VWDE: variants seen among roughly 807,000 people sequenced by gnomAD.
The protein encoded by VWDE is von Willebrand factor D and EGF domains.
A neutral mutation model predicts 178.4 loss-of-function variants in VWDE; 207 were observed. The observed-to-expected ratio is 1.16, with a 90% confidence interval of 1.04 to 1.30. The LOEUF (loss-of-function observed/expected upper bound fraction) is 1.30, where lower values mean the gene tolerates loss of function less well. Ranked by LOEUF, VWDE falls within the 50% of genes most tolerant of loss-of-function variation. The pLI is 0.00. For missense variants in VWDE, 2,287 were observed against 1,901.3 expected, an observed-to-expected ratio of 1.20 and a Z score of -3.77; for synonymous variants, 738 against 651.4, an observed-to-expected ratio of 1.13 and a Z score of -2.02.
intron 24 of VWDE, among the ~76,000 whole-genome samples, chr7:12,338,601 A>T (rs1583272604): frequency 6.6e-6 from 1 of 152,122 alleles, no homozygotes; most frequent in South Asian, 2.1e-4. Context: ...AGGGCATACA[A>T]TTTAAGGGTG....
At chr7:12,368,539 G>A (rs910124571) in intron 12 of VWDE, among the ~76,000 whole-genome samples, 5 of 152,096 alleles carry the variant, frequency 3.3e-5, no homozygotes, top group African/African-American at 1.2e-4. Flanking sequence ...CTGCCAGTGT[G>A]GCTGAAAAGC....
chr7:12,380,137 G>C (rs1025786), intron 5 of VWDE, among the ~76,000 whole-genome samples: 1 of 150,922 alleles, frequency 6.6e-6, no homozygotes, highest in Non-Finnish European at 1.5e-5. Context: ...AAGTGACATC[G>C]TCATTTAAAA....
chr7:12,341,468 C>T (rs1222005850), intron 23 of VWDE, among the ~76,000 whole-genome samples: 2 of 151,928 alleles, frequency 1.3e-5, no homozygotes, highest in East Asian at 1.9e-4. Flanking sequence ...CCCGTCTCTA[C>T]TAAAAATACA....
chr7:12,361,385 G>A lies in VWDE; in HGVS notation c.3035C>T (p.Thr1012Ile). 1 of 1,549,288 alleles carries A rather than the reference G, an allele frequency of 6.5e-7. No individual in the cohort carries two copies. Among genetic ancestry groups the A allele is most frequent in the Non-Finnish European group, 8.7e-7 (1 of 1,146,186 alleles). Residue 1012 changes from threonine to isoleucine, a missense_variant, in exon 14 of 29, where the codon ACT becomes ATT. By Grantham distance (89) the Thr-to-Ile change is moderately conservative. Transcript: ENST00000275358. ...TTTTACCTTCAACTGCCACTTCCCA[G>A]TTGGTTTCCCACCCACCAGATCCAT... ...DTMDLVGGKPTGKWQLKVSND... is the reference protein window; with the variant it reads ...DTMDLVGGKPIGKWQLKVSND...
intron 1 of VWDE, among the ~76,000 whole-genome samples, chr7:12,398,905 G>T (rs1784752106): frequency 6.6e-6 from 1 of 151,992 alleles, no homozygotes; most frequent in Admixed American, 6.6e-5. Flanking sequence ...GGGGAAGGAA[G>T]GAAGAGGGTA....
intron 24 of VWDE, among the ~76,000 whole-genome samples, chr7:12,340,056 T>C (rs1781243326): frequency 6.6e-6 from 1 of 152,188 alleles, no homozygotes; most frequent in Non-Finnish European, 1.5e-5. Context: ...ACTTTGCTTA[T>C]CTGTTTCATA....
chr7:12,340,347 T>A lies in VWDE; in HGVS notation c.4341A>T (p.Gly1447=). 1 of 1,551,178 alleles carries A rather than the reference T, an allele frequency of 6.4e-7. No individual in the cohort carries two copies. Among genetic ancestry groups the A allele is most frequent in the Non-Finnish European group, 8.7e-7 (1 of 1,146,706 alleles). Residue 1447 remains glycine (G), a synonymous_variant, in exon 24 of 29, where the codon GGA becomes GGT. Coordinates refer to ENST00000275358, the MANE Select transcript of VWDE (RefSeq NM_001135924.3). ...NKPNTCLCPN[G]FFGEHCQNAF... ...CATTCTGACAGTGTTCCCCAAAGAA[T>A]CCATTTGGACAGAGGCAAGTATTTG... is the stretch of plus-strand genomic sequence containing the variant.
At chr7:12,384,612 T>C (rs1001911734) in intron 3 of VWDE, among the ~76,000 whole-genome samples, 16 of 152,216 alleles carry the variant, frequency 1.1e-4, no homozygotes, top group African/African-American at 3.1e-4. Context: ...TTACAGAGTA[T>C]ATGTGAAATC....
At position 12,383,581 on chromosome 7, in the gene VWDE, GT is replaced by G; in HGVS notation, c.495del (p.Leu165PhefsTer37). On this transcript the variant is annotated frameshift_variant, in exon 4 of 29. Transcript: ENST00000275358. LOFTEE classifies it high-confidence loss of function. ...TCAGTTTCATCAGAACCACATGGGT[GT>G]AATCGTGCATCAGAAATAGCTGCCA... Reference protein sequence around the residue: ...YCAEAISDARLHPCGSDETET... With the variant: ...YCAEAISDARXHPCGSDETET... The G allele has an allele frequency of 1.3e-6, 2 of 1,550,526 alleles. No homozygotes were observed. Among genetic ancestry groups the G allele is most frequent in the Non-Finnish European group, 1.7e-6 (2 of 1,145,990 alleles).
intron 18 of VWDE, among the ~76,000 whole-genome samples, chr7:12,355,840 C>T (rs1782213959): frequency 6.6e-6 from 1 of 152,022 alleles, no homozygotes; most frequent in Admixed American, 6.6e-5. Flanking sequence ...CTTCTCCCTA[C>T]CAAATACAGG....
Position 12,369,762 on chromosome 7 carries a change from A to G in VWDE, c.2544T>C (p.Leu848=), listed in dbSNP as rs746880718. ...GGGCCACACCTGCTTCTGCCCAACT[A>G]AGATCATCTTTTAACAGAACATCCT... ...CVKDVLLKDD[L]SWAEAGVALL... Residue 848 remains leucine (L), a synonymous_variant, in exon 12 of 29, where the codon CTT becomes CTC. Coordinates refer to ENST00000275358, the MANE Select transcript of VWDE (RefSeq NM_001135924.3). The G allele has an allele frequency of 3.9e-6, 6 of 1,551,414 alleles. No individual in the cohort carries two copies. The highest frequency in any genetic ancestry group is 2.4e-5 in the East Asian group (1 of 40,916).
intron 10 of VWDE, 22 bp from the exon 11 acceptor site, chr7:12,370,886 AG>A: frequency 6.8e-7 from 1 of 1,477,718 alleles, no homozygotes; most frequent in Non-Finnish European, 9.0e-7. Context: ...AAATAAATAC[AG>A]AAATAAAAGA....
Position 12,341,925 on chromosome 7 carries a change from T to C in VWDE, c.4270+134A>G, listed in dbSNP as rs147961743. 7 of 593,348 alleles carry C rather than the reference T, an allele frequency of 1.2e-5. No homozygotes were observed. In the Admixed American group the frequency reaches 1.4e-4, roughly 12 times the overall value. 36.8% of individuals were successfully genotyped at this position (593,348 alleles called of 1,614,324 possible). ...AAGATGAAAGAGTTTTAAAAATCTG[T>C]CTGAAATAACAACTTCATACCTATC... On this transcript the variant is annotated intron_variant, in intron 23 of 28. Transcript: ENST00000275358.
intron 23 of VWDE, among the ~76,000 whole-genome samples, chr7:12,340,863 G>T (rs931575236): frequency 2.6e-5 from 4 of 152,012 alleles, no homozygotes; most frequent in Non-Finnish European, 5.9e-5. Context: ...CCTCTTTATC[G>T]CCTTCCCAAT....
At chr7:12,385,781 TTTGA>T (rs1486692033) in intron 3 of VWDE, among the ~76,000 whole-genome samples, 1 of 147,730 alleles carries the variant, frequency 6.8e-6, no homozygotes, top group Non-Finnish European at 1.5e-5. Flanking sequence ...CATGCATATG[TTTGA>T]TTAACAGACA....
Position 12,357,264 on chromosome 7 carries a change from C to G in VWDE, c.3525+1G>C. ...GGCACTTATGTAATTATAAAGATTA[C>G]CTCAATCGTGACTCTAGTTTCAGCA... On this transcript the variant is annotated splice_donor_variant, in intron 17 of 28. Coordinates refer to ENST00000275358, the MANE Select transcript of VWDE (RefSeq NM_001135924.3). LOFTEE classifies it high-confidence loss of function. The G allele has an allele frequency of 6.4e-7, 1 of 1,551,588 alleles. No individual in the cohort carries two copies. Among genetic ancestry groups the G allele is most frequent in the South Asian group, 1.2e-5 (1 of 84,022 alleles).
At chr7:12,390,939 G>A (rs966373496) in intron 2 of VWDE, among the ~76,000 whole-genome samples, 3 of 151,996 alleles carry the variant, frequency 2.0e-5, no homozygotes, top group African/African-American at 4.8e-5. Flanking sequence ...ATGTACATTC[G>A]TCAATTGCAG....
intron 13 of VWDE, among the ~76,000 whole-genome samples, chr7:12,365,072 G>A (rs543767622): frequency 9.9e-5 from 15 of 152,108 alleles, no homozygotes; most frequent in East Asian, 3.9e-4. Flanking sequence ...ATGGAGCACC[G>A]TCACAATATT....
intron 1 of VWDE, among the ~76,000 whole-genome samples, chr7:12,399,176 A>G (rs943949957): frequency 1.3e-5 from 2 of 152,178 alleles, no homozygotes; most frequent in South Asian, 2.1e-4. Flanking sequence ...TTACGTATCA[A>G]AAGACAAACT....
Sources: gnomAD v4.1 joint callset for allele counts (sites outside exome capture counted in the v4.1 genomes callset) on GRCh38, gnomAD v4.1.1 for gene constraint, MANE v1.5 for transcripts, NCBI Gene and HGNC (gene_info 2026-07-23, HGNC 2026-07-21) for gene names.